Variants in KCTD16 observed in about 807,000 individuals in gnomAD.
The protein encoded by KCTD16 is BTB/POZ domain-containing protein KCTD16.
KCTD16 carries 13 observed loss-of-function variants against 33.2 expected under a neutral mutation model. That is an observed-to-expected ratio of 0.39 (90% CI 0.25 to 0.62). KCTD16 has a LOEUF of 0.62. Among genes scored for constraint, KCTD16 ranks in the 20% least tolerant of loss-of-function variants. KCTD16 has a pLI of 0.50. For missense variants in KCTD16, 441 were observed against 525.1 expected, an observed-to-expected ratio of 0.84 and a Z score of 1.57; for synonymous variants, 197 against 195.3, an observed-to-expected ratio of 1.01 and a Z score of -0.07.
At chr5:144,358,094 T>G (rs1188768665) in intron 3 of KCTD16, among the ~76,000 whole-genome samples, 1 of 134,770 alleles carries the variant, frequency 7.4e-6, no homozygotes, top group Admixed American at 7.4e-5. Context: ...CGGCTAATTT[T>G]TTTTTTTTTT....
chr5:144,445,694 A>G (rs1028766276), intron 3 of KCTD16, among the ~76,000 whole-genome samples: 2 of 151,244 alleles, frequency 1.3e-5, no homozygotes, highest in African/African-American at 4.9e-5. Flanking sequence ...TTGCTTCCTG[A>G]GATTTCCTGG....
chr5:144,385,229 C>A (rs972294683), intron 3 of KCTD16: 6 of 152,272 alleles, frequency 3.9e-5, no homozygotes, highest in Admixed American at 3.3e-4. Context: ...CACAAAAATT[C>A]AGAAAAATAT....
intron 3 of KCTD16, among the ~76,000 whole-genome samples, chr5:144,227,314 G>A (rs993585795): frequency 5.3e-5 from 8 of 152,186 alleles, no homozygotes; most frequent in African/African-American, 1.4e-4. Context: ...AATCTGACAG[G>A]CAGAGGGAAA....
At chr5:144,373,896 C>T (rs775643825) in intron 3 of KCTD16, among the ~76,000 whole-genome samples, 1 of 152,172 alleles carries the variant, frequency 6.6e-6, no homozygotes, top group Non-Finnish European at 1.5e-5. Flanking sequence ...GAGCCACAGG[C>T]GTCATGGCTT....
At chr5:144,308,462 T>C (rs1214048583) in intron 3 of KCTD16, among the ~76,000 whole-genome samples, 2 of 152,142 alleles carry the variant, frequency 1.3e-5, no homozygotes, top group Non-Finnish European at 2.9e-5. Context: ...AGGTGTTGAT[T>C]TTTTTGTGAC....
intron 3 of KCTD16, among the ~76,000 whole-genome samples, chr5:144,280,733 G>A (rs1031967601): frequency 1.3e-5 from 2 of 152,308 alleles, no homozygotes; most frequent in East Asian, 1.9e-4. Flanking sequence ...GACCATCCTG[G>A]CTAACATGGT....
intron 3 of KCTD16, among the ~76,000 whole-genome samples, chr5:144,448,230 T>G (rs1753864355): frequency 6.6e-6 from 1 of 152,130 alleles, no homozygotes; most frequent in Admixed American, 6.6e-5. Flanking sequence ...CCCTATTATA[T>G]GAAGGTAGAA....
At chr5:144,241,964 G>A (rs10061256) in intron 3 of KCTD16, among the ~76,000 whole-genome samples, 5,115 of 152,084 alleles carry the variant, frequency 0.034, 245 homozygotes, top group African/African-American at 0.11. Context: ...GAAGACTCCC[G>A]TTCTGTTCTT....
In KCTD16 at chr5:144,457,989, C is replaced by T. The variant is rs147128779; in HGVS notation, c.833-15671C>T. Among the ~76,000 whole-genome samples, 239 of 152,224 alleles carry T rather than the reference C, an allele frequency of 1.6e-3. 2 individuals carry two copies. Among genetic ancestry groups the T allele is most frequent in the African/African-American group, 4.9e-3 (204 of 41,530 alleles). On this transcript the variant is annotated intron_variant, in intron 3 of 3. Transcript: ENST00000512467. ...TCCAGGCCAGCCATTTTCTGACACA[C>T]GGGGTAGTCAGAGGAATTTCCATTT... is the stretch of plus-strand genomic sequence containing the variant.
chr5:144,365,643 G>A (rs1209881217), intron 3 of KCTD16, among the ~76,000 whole-genome samples: 2 of 152,172 alleles, frequency 1.3e-5, no homozygotes, highest in Non-Finnish European at 2.9e-5. Flanking sequence ...TTCAGGTAAT[G>A]GCAAAGGCAG....
chr5:144,441,368 T>C lies in KCTD16; in HGVS notation c.833-32292T>C, dbSNP rs6874238. 2.6e-3 allele frequency among the ~76,000 whole-genome samples: 399 copies of C among 152,290 alleles called. 3 individuals are homozygous for C. Among genetic ancestry groups the C allele is most frequent in the African/African-American group, 8.9e-3 (369 of 41,574 alleles). On this transcript the variant is annotated intron_variant, in intron 3 of 3. Coordinates refer to ENST00000512467, the MANE Select transcript of KCTD16 (RefSeq NM_020768.4). ...AAGACAAAAAGATTTACTTTTGTTT[T>C]CTTCTAAGAGTTGTTATTTTTAGCT...
intron 3 of KCTD16, among the ~76,000 whole-genome samples, chr5:144,273,981 A>T (rs963276168): frequency 6.7e-6 from 1 of 150,158 alleles, no homozygotes; most frequent in Non-Finnish European, 1.5e-5. Flanking sequence ...ATATTAAAAT[A>T]TAATAATATT....
rs535525664 is a variant in KCTD16, at chr5:144,316,658, G to A, written c.832+109112G>A. Among the ~76,000 whole-genome samples the A allele has an allele frequency of 5.3e-5, 8 of 151,546 alleles. No homozygotes were observed. The East Asian group carries it at 1.4e-3, about 26-fold the overall frequency. On this transcript the variant is annotated intron_variant, in intron 3 of 3. Coordinates refer to ENST00000512467, the MANE Select transcript of KCTD16 (RefSeq NM_020768.4). ...CTCCTGAGTAGCTGGGATTATAGGTGCCTGCCACCATGTCCACCTAATTTT... is the reference window on the plus strand; with the variant it reads ...CTCCTGAGTAGCTGGGATTATAGGTACCTGCCACCATGTCCACCTAATTTT...
intron 3 of KCTD16, among the ~76,000 whole-genome samples, chr5:144,245,834 G>A (rs1561541665): frequency 6.6e-6 from 1 of 152,106 alleles, no homozygotes; most frequent in Non-Finnish European, 1.5e-5. Context: ...AATTCCCTGA[G>A]GCCTCCCCAG....
intron 3 of KCTD16, among the ~76,000 whole-genome samples, chr5:144,237,742 A>G (rs1305434305): frequency 1.3e-5 from 2 of 152,116 alleles, no homozygotes; most frequent in Non-Finnish European, 2.9e-5. Flanking sequence ...GTTCCTGATC[A>G]TGTTCTCCTC....
At chr5:144,334,098 A>G (rs1752421978) in intron 3 of KCTD16, among the ~76,000 whole-genome samples, 1 of 152,222 alleles carries the variant, frequency 6.6e-6, no homozygotes. Context: ...GAAATCCCTC[A>G]GAGGTTGAAG....
Position 144,479,637 on chromosome 5 carries a change from T to C in KCTD16, c.*5523T>C, listed in dbSNP as rs1413898673. 3 of 151,836 alleles carry C rather than the reference T, an allele frequency of 2.0e-5. No homozygotes were observed. The highest frequency in any genetic ancestry group is 4.4e-5 in the Non-Finnish European group (3 of 67,882). 9.4% of individuals were successfully genotyped at this position (151,836 alleles called of 1,614,324 possible). A position where few individuals can be genotyped will look rare whatever the true frequency, so the allele number is the denominator to read the frequency against. On this transcript the variant is annotated 3_prime_UTR_variant, in exon 4 of 4. Coordinates refer to ENST00000512467, the MANE Select transcript of KCTD16 (RefSeq NM_020768.4). ...AAATTGGCCAAGATTAAAACAAAAA[T>C]GGTTAAATTTGATTCAGTTTGTTGC...
intron 3 of KCTD16, among the ~76,000 whole-genome samples, chr5:144,448,318 G>A (rs140584439): frequency 6.6e-6 from 1 of 152,148 alleles, no homozygotes; most frequent in East Asian, 1.9e-4. Flanking sequence ...TCTAGATTTT[G>A]TTTCTTTCTC....
chr5:144,199,610 TCA>T (rs1310064274), intron 2 of KCTD16, among the ~76,000 whole-genome samples: 1 of 151,936 alleles, frequency 6.6e-6, no homozygotes, highest in East Asian at 1.9e-4. Flanking sequence ...GCTGATGAGA[TCA>T]CAGTTTTAAA....
Sources: allele counts gnomAD v4.1 joint callset (sites outside exome capture counted in the v4.1 genomes callset), GRCh38; gene constraint gnomAD v4.1.1; transcripts MANE v1.5; gene names NCBI Gene and HGNC (gene_info 2026-07-23, HGNC 2026-07-21).